The following RYR2 variants were observed in gnomAD, a reference collection of about 807,000 sequenced individuals.
RYR2 encodes ryanodine receptor 2.
Under a neutral mutation model 601.1 loss-of-function variants are expected in RYR2, and 227 were observed. The ratio of observed to expected loss-of-function variants is 0.38; its 90% CI spans 0.34 to 0.42. The LOEUF is 0.42. RYR2 is among the 10% of genes least tolerant of loss of function. The pLI is 1.00. For synonymous variants in RYR2, 2,223 were observed against 2,175.1 expected (o/e 1.02, Z -0.61); for missense variants, 4,646 against 6,156.5 (o/e 0.75, Z 8.21).
intron 2 of RYR2, among the ~76,000 whole-genome samples, chr1:237,310,540 A>T (rs1314319365): frequency 6.6e-6 from 1 of 152,110 alleles, no homozygotes; most frequent in Non-Finnish European, 1.5e-5. Flanking sequence ...TTCTTTTGCA[A>T]CTTGTGGATT....
intron 16 of RYR2, among the ~76,000 whole-genome samples, chr1:237,468,053 T>C (rs1660279475): frequency 6.6e-6 from 1 of 151,876 alleles, no homozygotes; most frequent in Non-Finnish European, 1.5e-5. Context: ...AGAGATGGGG[T>C]TTCACTGTGT....
chr1:237,288,592 G>A (rs987109806), intron 2 of RYR2, among the ~76,000 whole-genome samples: 5 of 151,920 alleles, frequency 3.3e-5, no homozygotes, highest in African/African-American at 1.2e-4. Flanking sequence ...GGGAAGTGGG[G>A]GAAAGCCAGT....
intron 12 of RYR2, among the ~76,000 whole-genome samples, chr1:237,428,196 T>C (rs1220489226): frequency 6.6e-6 from 1 of 152,178 alleles, no homozygotes; most frequent in Non-Finnish European, 1.5e-5. Flanking sequence ...AGTGTGGTGA[T>C]TCCTCAAGGA....
In RYR2 at chr1:237,180,389, G is replaced by A. The variant is rs1678559260; in HGVS notation, c.49-90108G>A. On this transcript the variant is annotated intron_variant, in intron 1 of 104. Coordinates refer to ENST00000366574, the MANE Select transcript of RYR2 (RefSeq NM_001035.3). This position sits in a 1 kb window ranked among gnomAD's most constrained non-coding sequence, Gnocchi z 5.3. ...ATTTCACATTTTCCCAGTGATTTGG[G>A]CCTGATTTATCTCTTGATTGCTCTC... Among the ~76,000 whole-genome samples, 1 of 151,886 alleles carries A rather than the reference G, an allele frequency of 6.6e-6. No individual in the cohort carries two copies. The highest frequency in any genetic ancestry group is 2.1e-4 in the South Asian group (1 of 4,820).
chr1:237,209,421 A>G (rs12043412), intron 1 of RYR2, among the ~76,000 whole-genome samples: 52,649 of 151,488 alleles, frequency 0.35, 9,627 homozygotes, highest in East Asian at 0.6. Flanking sequence ...TGACATATAG[A>G]TATATATGTC....
Position 237,566,622 on chromosome 1 carries a change from C to A in RYR2, c.3270C>A (p.Ala1090=), listed in dbSNP as rs1344074824. ...GTGERFRIFR[A]EKTYAVKAGR... ...GGGAAAGGTTCCGAATCTTCCGTGCCGAGAAGACCTATGCAGTGAAGGCCG... is the reference window on the plus strand; with the variant it reads ...GGGAAAGGTTCCGAATCTTCCGTGCAGAGAAGACCTATGCAGTGAAGGCCG... The change falls in exon 28 of 105, where the codon GCC becomes GCA. Residue 1090 remains alanine (A), a synonymous_variant. Coordinates refer to ENST00000366574, the MANE Select transcript of RYR2 (RefSeq NM_001035.3). The A allele has an allele frequency of 1.2e-6, 2 of 1,613,902 alleles. No individual in the cohort carries two copies. Among genetic ancestry groups the A allele is most frequent in the Non-Finnish European group, 1.7e-6 (2 of 1,179,880 alleles).
At chr1:237,307,168 C>CTT (rs1553392786) in intron 2 of RYR2, among the ~76,000 whole-genome samples, 1 of 151,820 alleles carries the variant, frequency 6.6e-6, no homozygotes, top group Non-Finnish European at 1.5e-5. Context: ...TTTACATGCA[C>CTT]CTGGTGTATC....
intron 14 of RYR2, 60 bp downstream of exon 14, chr1:237,445,582 A>C: frequency 6.3e-7 from 1 of 1,593,128 alleles, no homozygotes; most frequent in Non-Finnish European, 8.6e-7. Flanking sequence ...TTTATTGGAT[A>C]TGCAAATAGA....
At chr1:237,096,202 A>G (rs1399753727) in intron 1 of RYR2, among the ~76,000 whole-genome samples, 1 of 152,198 alleles carries the variant, frequency 6.6e-6, no homozygotes, top group African/African-American at 2.4e-5. Flanking sequence ...GCAATGCCCT[A>G]TTTCAAATAC....
chr1:237,627,648 T>A (rs754365604), intron 40 of RYR2, among the ~76,000 whole-genome samples, 159 bp from the exon 41 acceptor site: 61 of 152,218 alleles, frequency 4.0e-4, no homozygotes, highest in Non-Finnish European at 1.3e-4. Flanking sequence ...ATATGTATCA[T>A]CCAATGAAGG....
intron 35 of RYR2, among the ~76,000 whole-genome samples, chr1:237,605,353 C>A (rs890412843): frequency 2.0e-5 from 3 of 152,104 alleles, no homozygotes; most frequent in African/African-American, 7.2e-5. Flanking sequence ...GCAGAAAAGG[C>A]CTTTGACAAA....
intron 1 of RYR2, among the ~76,000 whole-genome samples, chr1:237,217,732 G>C (rs1335225420): frequency 6.6e-6 from 1 of 152,156 alleles, no homozygotes; most frequent in Admixed American, 6.5e-5. Context: ...TAGTAGTGAT[G>C]ACTGCTGACT....
chr1:237,469,613 C>T (rs908814986), intron 17 of RYR2, among the ~76,000 whole-genome samples: 1 of 152,094 alleles, frequency 6.6e-6, no homozygotes, highest in African/African-American at 2.4e-5. Context: ...CTGAAAACCA[C>T]TAAAGAGCCA....
intron 38 of RYR2, among the ~76,000 whole-genome samples, chr1:237,621,881 A>G (rs1679111784): frequency 6.6e-6 from 1 of 152,164 alleles, no homozygotes; most frequent in Admixed American, 6.5e-5. Flanking sequence ...CTTAAGGATG[A>G]GGGGCAGACA....
chr1:237,610,387 A>G lies in RYR2; in HGVS notation c.4684-375A>G, dbSNP rs1677707407. On this transcript the variant is annotated intron_variant, in intron 35 of 104. Transcript: ENST00000366574. The surrounding 1 kb of genome is among the most constrained non-coding windows in gnomAD (Gnocchi z 4.9). ...GCCAGGGGGATGTGACATATCTGTC[A>G]TTCAGGAAGTTTGGCACTGAAAGTC... 6.6e-6 allele frequency among the ~76,000 whole-genome samples: 1 copy of G among 152,180 alleles called. No homozygotes were observed. Among genetic ancestry groups the G allele is most frequent in the Non-Finnish European group, 1.5e-5 (1 of 68,028 alleles).
intron 3 of RYR2, among the ~76,000 whole-genome samples, chr1:237,339,263 T>C (rs1697527517): frequency 6.6e-6 from 1 of 152,190 alleles, no homozygotes; most frequent in Admixed American, 6.5e-5. Flanking sequence ...TTCAGGAAGA[T>C]GCCTGCTTGG....
intron 54 of RYR2, 21 bp from the exon 55 acceptor site, chr1:237,659,964 T>C: frequency 6.6e-7 from 1 of 1,524,004 alleles, no homozygotes. Flanking sequence ...AAACAATTTT[T>C]AATGTTTGCC....
intron 56 of RYR2, among the ~76,000 whole-genome samples, chr1:237,663,670 A>T (rs1057439388): frequency 6.6e-6 from 1 of 152,182 alleles, no homozygotes; most frequent in Non-Finnish European, 1.5e-5. Flanking sequence ...TCTGGTTATG[A>T]TGCTTGTCAA....
At chr1:237,750,979 A>G (rs1025113054) in intron 80 of RYR2, among the ~76,000 whole-genome samples, 1 of 152,236 alleles carries the variant, frequency 6.6e-6, no homozygotes, top group Non-Finnish European at 1.5e-5. Flanking sequence ...ATAACCATTC[A>G]TGAAGATCTA....
Sources: gnomAD v4.1 joint callset for allele counts (sites outside exome capture counted in the v4.1 genomes callset) on GRCh38, gnomAD v4.1.1 for gene constraint, Gnocchi (gnomAD v3.1) non-coding constraint, MANE v1.5 for transcripts, NCBI Gene and HGNC (gene_info 2026-07-23, HGNC 2026-07-21) for gene names.